The following EXTL2 variants were observed in gnomAD, a reference collection of about 807,000 sequenced individuals.
EXTL2 encodes the protein exostosin-like 2.
Under a neutral mutation model 30.7 loss-of-function variants are expected in EXTL2, and 23 were observed. The observed-to-expected ratio is 0.75, with a 90% CI of 0.54 to 1.06. The LOEUF (loss-of-function observed/expected upper bound fraction) is 1.06. EXTL2 is among the 50% of genes least tolerant of loss of function. The pLI, the probability that EXTL2 is intolerant of heterozygous loss-of-function variation, is 0.00. For synonymous variants in EXTL2, 123 were observed against 133.8 expected, an observed-to-expected ratio of 0.92 and a Z score of 0.56; for missense variants, 352 against 396.3, an observed-to-expected ratio of 0.89 and a Z score of 0.95.
chr1:100,887,182 T>C (rs1398271182), intron 2 of EXTL2, among the ~76,000 whole-genome samples: 1 of 152,268 alleles, frequency 6.6e-6, no homozygotes, highest in African/African-American at 2.4e-5. Context: ...TGTTCTGTTC[T>C]ATAGAACCCT....
intron 4 of EXTL2, among the ~76,000 whole-genome samples, chr1:100,875,337 A>C (rs1303337242): frequency 6.6e-6 from 1 of 151,980 alleles, no homozygotes; most frequent in Admixed American, 6.6e-5. Context: ...TATGCAAACA[A>C]GGAAATACAA....
chr1:100,878,913 A>G (rs925157444), intron 2 of EXTL2, among the ~76,000 whole-genome samples: 1 of 151,954 alleles, frequency 6.6e-6, no homozygotes, highest in Non-Finnish European at 1.5e-5. Context: ...AGCTTCCACA[A>G]CTCGATCTCT....
Position 100,873,496 on chromosome 1 carries a change from T to G in EXTL2, c.*446A>C, listed in dbSNP as rs1164948627. The G allele has an allele frequency of 6.5e-6, 1 of 154,688 alleles. No individual in the cohort carries two copies. The highest frequency in any genetic ancestry group is 1.4e-5 in the Non-Finnish European group (1 of 69,460). The allele number at this position is 154,688 out of a possible 1,614,324, so 9.6% of individuals were successfully genotyped here. On this transcript the variant is annotated 3_prime_UTR_variant, in exon 5 of 5. Coordinates refer to ENST00000370114, the MANE Select transcript of EXTL2 (RefSeq NM_001033025.3). ...ATATGTGACTGAGACTATTCTCTTC[T>G]TACATGGCTTTACCCCATACCACAG...
At chr1:100,886,446 C>G (rs1327148466) in intron 2 of EXTL2, among the ~76,000 whole-genome samples, 1 of 152,142 alleles carries the variant, frequency 6.6e-6, no homozygotes, top group South Asian at 2.1e-4. Context: ...CTAGAATGAA[C>G]AAGGGCAGCA....
Position 100,881,395 on chromosome 1 carries a change from G to T in EXTL2, c.6-3492C>A, listed in dbSNP as rs188573907. 8.8e-4 allele frequency among the ~76,000 whole-genome samples: 134 copies of T among 152,298 alleles called. 1 individual carries two copies. The highest frequency in any genetic ancestry group is 3.1e-3 in the African/African-American group (129 of 41,558). ...AACCTATCATCTAATTTGCAGCTTTGAGCTTTGAATGAGAGATATGAGAAA... is the reference window on the plus strand; with the variant it reads ...AACCTATCATCTAATTTGCAGCTTTTAGCTTTGAATGAGAGATATGAGAAA... On this transcript the variant is annotated intron_variant, in intron 2 of 4. Transcript: ENST00000370114.
Position 100,874,009 on chromosome 1 carries a change from A to C in EXTL2, c.926T>G (p.Leu309Ter). ...KLVNIYDSMP[L>*]RYSNIMISQF... ...GGAAATCATAATGTTGGAGTATCTT[A>C]AGGGCATGCTATCATAGATATTAAC... Residue 309 changes from leucine (L) to a stop codon, truncating the protein, a stop_gained, in exon 5 of 5, where the codon TTA becomes TGA. Transcript: ENST00000370114. LOFTEE classifies it high-confidence loss of function. The C allele has an allele frequency of 6.2e-7, 1 of 1,612,004 alleles. No homozygotes were observed. Among genetic ancestry groups the C allele is most frequent in the Non-Finnish European group, 8.5e-7 (1 of 1,179,042 alleles).
Position 100,874,315 on chromosome 1 carries a change from T to C in EXTL2, c.620A>G (p.Gln207Arg), listed in dbSNP as rs147248391. ...GGCTCCAATCAGCACCATAGAGTAC[T>C]GGTCACCATTTCCAGACCCTGGTGC... ...MQAPGSGNGDQYSMVLIGASF... is the reference protein window; with the variant it reads ...MQAPGSGNGDRYSMVLIGASF... Residue 207 changes from glutamine to arginine, a missense_variant, in exon 5 of 5, where the codon CAG (glutamine) becomes CGG (arginine). Physicochemically the swap from Gln to Arg is conservative, Grantham distance 43. Coordinates refer to ENST00000370114, the MANE Select transcript of EXTL2 (RefSeq NM_001033025.3). 84 of 1,613,008 alleles carry C rather than the reference T, an allele frequency of 5.2e-5. No individual in the cohort carries two copies. In the African/African-American group the frequency reaches 9.5e-4, roughly 18 times the overall value.
intron 2 of EXTL2, among the ~76,000 whole-genome samples, chr1:100,882,104 C>G (rs1446692914): frequency 6.6e-6 from 1 of 152,210 alleles, no homozygotes; most frequent in African/African-American, 2.4e-5. Flanking sequence ...CATCCCCCAC[C>G]ACCCATCCAT....
chr1:100,885,680 C>T (rs1215825494), intron 2 of EXTL2: 1 of 152,170 alleles, frequency 6.6e-6, no homozygotes, highest in Non-Finnish European at 1.5e-5. Context: ...TTTTTCTTCA[C>T]AAGTCTTTTC....
chr1:100,883,122 C>T (rs1006823519), intron 2 of EXTL2, among the ~76,000 whole-genome samples: 8 of 152,138 alleles, frequency 5.3e-5, no homozygotes, highest in African/African-American at 1.9e-4. Flanking sequence ...GTAAATTCTG[C>T]AAGGATGTGT....
At position 100,877,194 on chromosome 1, in the gene EXTL2, C is replaced by CA. The variant is rs1463745506; in HGVS notation, c.433+281dup. On this transcript the variant is annotated intron_variant, in intron 3 of 4. Coordinates refer to ENST00000370114, the MANE Select transcript of EXTL2 (RefSeq NM_001033025.3). This position sits in a 1 kb window ranked among gnomAD's most constrained non-coding sequence, Gnocchi z 4.1. Reference sequence around the variant, plus strand: ...AGGAATGGGAGGAAAAGAGGAGTGGCAAAAAAATATATTAAGCATAAGCTA... The same window carrying CA: ...AGGAATGGGAGGAAAAGAGGAGTGGCAAAAAAAATATATTAAGCATAAGCTA... Among the ~76,000 whole-genome samples the CA allele has an allele frequency of 1.3e-5, 2 of 151,840 alleles. No individual in the cohort carries two copies. Among genetic ancestry groups the CA allele is most frequent in the Admixed American group, 6.6e-5 (1 of 15,228 alleles).
intron 2 of EXTL2, among the ~76,000 whole-genome samples, chr1:100,878,891 G>T (rs909125125): frequency 1.3e-5 from 2 of 151,898 alleles, no homozygotes; most frequent in African/African-American, 4.8e-5. Flanking sequence ...TTGAACTGAG[G>T]CACAGCCCTA....
At chr1:100,874,486 TGAAA>T (rs1334405562) in intron 4 of EXTL2, 56 bp from the exon 5 acceptor site, 21 of 1,330,828 alleles carry the variant, frequency 1.6e-5, no homozygotes, top group Non-Finnish European at 2.2e-5. Flanking sequence ...GAAGACATAG[TGAAA>T]AAGGCAATGA....
chr1:100,893,978 G>A (rs1343234942), intron 1 of EXTL2, among the ~76,000 whole-genome samples: 1 of 152,122 alleles, frequency 6.6e-6, no homozygotes, highest in African/African-American at 2.4e-5. Flanking sequence ...TTGAAAAGAG[G>A]TAATGTAGGT....
chr1:100,877,927 T>C lies in EXTL2; in HGVS notation c.6-24A>G. The C allele has an allele frequency of 6.5e-7, 1 of 1,550,182 alleles. No homozygotes were observed. The highest frequency in any genetic ancestry group is 8.7e-7 in the Non-Finnish European group (1 of 1,145,522). On this transcript the variant is annotated intron_variant, in intron 2 of 4. Transcript: ENST00000370114. This position sits in a 1 kb window ranked among gnomAD's most constrained non-coding sequence, Gnocchi z 4.1. ...ACCTGGAGTAGAAATGGAAACAACA[T>C]ACAAATGTTAGCATTCTTACGAGTC...
At chr1:100,886,900 A>T (rs1185381640) in intron 2 of EXTL2, among the ~76,000 whole-genome samples, 1 of 152,194 alleles carries the variant, frequency 6.6e-6, no homozygotes, top group African/African-American at 2.4e-5. Context: ...TTTGGAGATG[A>T]CCAATTCCAT....
intron 2 of EXTL2, among the ~76,000 whole-genome samples, chr1:100,882,781 A>T (rs1177621274): frequency 6.6e-6 from 1 of 152,208 alleles, no homozygotes; most frequent in African/African-American, 2.4e-5. Flanking sequence ...CTGTGATTGC[A>T]TCACTGCACT....
chr1:100,889,144 T>TA (rs1360882875), intron 1 of EXTL2, among the ~76,000 whole-genome samples: 4 of 152,188 alleles, frequency 2.6e-5, no homozygotes, highest in Non-Finnish European at 4.4e-5. Context: ...AATTGACTCA[T>TA]AGTTCCACAT....
At chr1:100,880,681 C>A (rs1195986313) in intron 2 of EXTL2, among the ~76,000 whole-genome samples, 2 of 152,144 alleles carry the variant, frequency 1.3e-5, no homozygotes, top group Non-Finnish European at 2.9e-5. Flanking sequence ...GGTCCCATAA[C>A]ACATATTTTC....
Sources: gnomAD v4.1 joint callset for allele counts (sites outside exome capture counted in the v4.1 genomes callset) on GRCh38, gnomAD v4.1.1 for gene constraint, Gnocchi (gnomAD v3.1) non-coding constraint, MANE v1.5 for transcripts, NCBI Gene and HGNC (gene_info 2026-07-23, HGNC 2026-07-21) for gene names.